The following CAMTA1 variants were observed in gnomAD, a reference collection of about 807,000 sequenced individuals.
The protein encoded by CAMTA1 is calmodulin binding transcription activator 1, also known as calmodulin-binding transcription activator 1.
Under a neutral mutation model 170.9 loss-of-function variants are expected in CAMTA1, and 27 were observed. The ratio of observed to expected loss-of-function variants is 0.16; its 90% confidence interval spans 0.12 to 0.22. The LOEUF (loss-of-function observed/expected upper bound fraction) is 0.22, where lower values mean the gene tolerates loss of function less well. CAMTA1 is among the 10% of genes least tolerant of loss of function. CAMTA1 has a pLI of 1.00. For missense variants in CAMTA1, 1,619 were observed against 2,217.2 expected (o/e 0.73, Z 5.42); for synonymous variants, 833 against 891.5 (o/e 0.93, Z 1.17).
At chr1:6,790,841 T>A (rs1041637367) in intron 1 of CAMTA1, among the ~76,000 whole-genome samples, 3 of 152,208 alleles carry the variant, frequency 2.0e-5, no homozygotes, top group African/African-American at 4.8e-5. Context: ...ATGATAATAA[T>A]AAAAATTACT....
chr1:7,232,411 G>T (rs796866261), intron 4 of CAMTA1, among the ~76,000 whole-genome samples: 66 of 152,344 alleles, frequency 4.3e-4, no homozygotes, highest in African/African-American at 1.5e-3. Context: ...GTCCGAGTGC[G>T]TTTTTATGTT....
chr1:6,807,173 T>C, intron 1 of CAMTA1: 1 of 448,888 alleles, frequency 2.2e-6, no homozygotes, highest in Middle Eastern at 3.0e-4. Flanking sequence ...AAATGGGAAT[T>C]AATTGTGGGA....
intron 5 of CAMTA1, among the ~76,000 whole-genome samples, chr1:7,339,593 T>G (rs1469891568): frequency 6.6e-6 from 1 of 151,982 alleles, no homozygotes; most frequent in Non-Finnish European, 1.5e-5. Context: ...GTTTGTTGGT[T>G]GTTTTTTTGT....
At chr1:7,097,672 C>T (rs182686703) in intron 4 of CAMTA1, among the ~76,000 whole-genome samples, 2 of 152,344 alleles carry the variant, frequency 1.3e-5, no homozygotes, top group East Asian at 3.9e-4. Context: ...ATTCCCAGAG[C>T]TGAAAAGAAA....
intron 4 of CAMTA1, among the ~76,000 whole-genome samples, chr1:7,207,524 G>A (rs1318705370): frequency 2.0e-5 from 3 of 151,968 alleles, no homozygotes; most frequent in Admixed American, 6.6e-5. Context: ...TTTTCCAACC[G>A]ACACAATCAC....
chr1:7,664,257 G>T lies in CAMTA1; in HGVS notation c.1710G>T (p.Pro570=), dbSNP rs372631678. ...TGACCGCCGGCTCCAGCCTCCTGCC[G>T]TCGGGCGGCGGCCTGAGTCCCAGCA... ...LTLTAGSSLL[P]SGGGLSPSTT... is the part of the protein sequence containing the mutation. Residue 570 remains proline, a synonymous_variant, in exon 9 of 23, where the codon CCG becomes CCT. Coordinates refer to ENST00000303635, the MANE Select transcript of CAMTA1 (RefSeq NM_015215.4). 2 of 1,612,622 alleles carry T rather than the reference G, an allele frequency of 1.2e-6. No individual in the cohort carries two copies. Among genetic ancestry groups the T allele is most frequent in the South Asian group, 2.2e-5 (2 of 91,070 alleles).
rs370292592 is a variant in CAMTA1 at position 7,749,106 on chromosome 1, G to A, written c.4689+1325G>A. ...GACTGGTTCACACGATAAAATTCAG[G>A]CCTGTCAGTAGATTCGAGAACCTTT... On this transcript the variant is annotated intron_variant, in intron 19 of 22. Transcript: ENST00000303635. Among the ~76,000 whole-genome samples the A allele has an allele frequency of 4.6e-5, 7 of 152,260 alleles. No individual in the cohort carries two copies. In the South Asian group the frequency reaches 1.5e-3, roughly 32 times the overall value.
At chr1:7,407,541 C>T (rs978959211) in intron 5 of CAMTA1, among the ~76,000 whole-genome samples, 1 of 152,158 alleles carries the variant, frequency 6.6e-6, no homozygotes, top group African/African-American at 2.4e-5. Context: ...GAGTTGGTTC[C>T]CTGTGTTGGC....
intron 5 of CAMTA1, among the ~76,000 whole-genome samples, chr1:7,414,081 C>A (rs1486940648): frequency 2.0e-5 from 3 of 151,986 alleles, no homozygotes; most frequent in African/African-American, 7.3e-5. Flanking sequence ...GTATGTTGAA[C>A]CAGCCTTGCA....
rs1479495996 is a variant in CAMTA1, at chr1:7,064,224, C to T, written c.235-27080C>T. Among the ~76,000 whole-genome samples, 2 of 151,966 alleles carry T rather than the reference C, an allele frequency of 1.3e-5. No individual in the cohort carries two copies. Among genetic ancestry groups the T allele is most frequent in the Non-Finnish European group, 1.5e-5 (1 of 67,986 alleles). On this transcript the variant is annotated intron_variant, in intron 3 of 22. Coordinates refer to ENST00000303635, the MANE Select transcript of CAMTA1 (RefSeq NM_015215.4). This position sits in a 1 kb window ranked among gnomAD's most constrained non-coding sequence, Gnocchi z 5.4. Reference sequence around the variant, plus strand: ...TCTCCCCTTTCCTCCTGCTCCTCCTCCTGCTCCTTCCTCTTGTTCTTGTTC... The same window carrying T: ...TCTCCCCTTTCCTCCTGCTCCTCCTTCTGCTCCTTCCTCTTGTTCTTGTTC...
chr1:7,696,986 G>A (rs1337943148), intron 11 of CAMTA1, among the ~76,000 whole-genome samples: 4 of 152,162 alleles, frequency 2.6e-5, no homozygotes, highest in African/African-American at 7.2e-5. Context: ...GGCCTAGGTC[G>A]TCTCACTCCA....
intron 1 of CAMTA1, among the ~76,000 whole-genome samples, chr1:6,799,854 T>C (rs948271186): frequency 6.6e-6 from 1 of 152,082 alleles, no homozygotes; most frequent in African/African-American, 2.4e-5. Context: ...ACTGAAACCA[T>C]GGATAAGAGG....
chr1:7,766,553 T>G lies in CAMTA1; in HGVS notation c.*62T>G, dbSNP rs1027115895. ...CTTTTCAGACTGTTTTCATTTCTGT[T>G]TTTAGCAGAGACATGCAACAACAAC... On this transcript the variant is annotated 3_prime_UTR_variant, in exon 23 of 23. Transcript: ENST00000303635. 4 of 1,498,220 alleles carry G rather than the reference T, an allele frequency of 2.7e-6. No homozygotes were observed. The highest frequency in any genetic ancestry group is 3.7e-6 in the Non-Finnish European group (4 of 1,074,888). The allele number at this position is 1,498,220 out of a possible 1,614,324, so 92.8% of individuals were successfully genotyped here.
intron 11 of CAMTA1, among the ~76,000 whole-genome samples, chr1:7,728,953 G>A (rs1048007459): frequency 1.3e-5 from 2 of 152,298 alleles, no homozygotes; most frequent in Middle Eastern, 3.4e-3. Context: ...AGTTGCCACT[G>A]AGTGAGACAC....
At chr1:6,788,268 G>A (rs1489270927) in intron 1 of CAMTA1, among the ~76,000 whole-genome samples, 1 of 150,118 alleles carries the variant, frequency 6.7e-6, no homozygotes, top group African/African-American at 2.4e-5. Flanking sequence ...GGCTTAGTGT[G>A]GAGACTCATC....
intron 5 of CAMTA1, among the ~76,000 whole-genome samples, chr1:7,395,134 C>T (rs2149161076): frequency 6.6e-6 from 1 of 152,314 alleles, no homozygotes; most frequent in South Asian, 2.1e-4. Context: ...CCACCCGCCT[C>T]AGCCTCCCAA....
chr1:7,501,624 T>TTTA (rs1203249941), intron 6 of CAMTA1, among the ~76,000 whole-genome samples: 3 of 151,784 alleles, frequency 2.0e-5, no homozygotes, highest in Admixed American at 1.3e-4. Flanking sequence ...AACAGTTTTT[T>TTTA]TTTTATTTTA....
At chr1:7,079,351 T>C (rs1371054800) in intron 3 of CAMTA1, among the ~76,000 whole-genome samples, 1 of 152,150 alleles carries the variant, frequency 6.6e-6, no homozygotes, top group Non-Finnish European at 1.5e-5. Flanking sequence ...TTTTCCAAAC[T>C]TGACAAAAGC....
chr1:7,555,718 C>A (rs1332528605), intron 6 of CAMTA1, among the ~76,000 whole-genome samples: 1 of 151,968 alleles, frequency 6.6e-6, no homozygotes, highest in East Asian at 1.9e-4. Context: ...CCAAGGCAAG[C>A]ACCTAGCACG....
Sources: gnomAD v4.1 joint callset for allele counts (sites outside exome capture counted in the v4.1 genomes callset) on GRCh38, gnomAD v4.1.1 for gene constraint, Gnocchi (gnomAD v3.1) non-coding constraint, MANE v1.5 for transcripts, NCBI Gene and HGNC (gene_info 2026-07-23, HGNC 2026-07-21) for gene names.